TULP4: variants seen among roughly 807,000 people sequenced by gnomAD.
The protein encoded by TULP4 is TUB like protein 4.
Under a neutral mutation model 129.0 loss-of-function variants are expected in TULP4, and 16 were observed. That is an observed-to-expected ratio of 0.12 (90% CI 0.08 to 0.19). The LOEUF is 0.19. Among genes scored for constraint, TULP4 ranks in the 10% least tolerant of loss-of-function variants. The pLI is 1.00. For synonymous variants in TULP4, 998 were observed against 854.0 expected (o/e 1.17, Z -2.94); for missense variants, 1,842 against 2,059.1 (o/e 0.89, Z 2.04).
chr6:158,424,772 T>C (rs1260566482), intron 2 of TULP4, among the ~76,000 whole-genome samples: 1 of 151,974 alleles, frequency 6.6e-6, no homozygotes, highest in Non-Finnish European at 1.5e-5. Flanking sequence ...TGGAAAGAGA[T>C]TTGAACAGAT....
intron 8 of TULP4, among the ~76,000 whole-genome samples, chr6:158,487,224 A>G (rs962492872): frequency 6.6e-6 from 1 of 152,084 alleles, no homozygotes; most frequent in Non-Finnish European, 1.5e-5. Flanking sequence ...GCACCACTGC[A>G]CTCCAGCCTG....
intron 1 of TULP4, among the ~76,000 whole-genome samples, chr6:158,253,186 T>C (rs540694659): frequency 3.6e-4 from 55 of 152,288 alleles, no homozygotes; most frequent in Non-Finnish European, 6.3e-4. Flanking sequence ...AGTGGAAAAT[T>C]AGGATATGTT....
At chr6:158,302,155 C>T (rs568223201) in intron 1 of TULP4, among the ~76,000 whole-genome samples, 83 of 152,204 alleles carry the variant, frequency 5.5e-4, no homozygotes, top group African/African-American at 1.9e-3. Flanking sequence ...GGAAATTGAG[C>T]TCAAAGTAGT....
intron 2 of TULP4, among the ~76,000 whole-genome samples, chr6:158,428,583 T>C (rs1371885214): frequency 6.6e-6 from 1 of 152,126 alleles, no homozygotes; most frequent in Non-Finnish European, 1.5e-5. Context: ...TTTGATAAAC[T>C]TAACACTCAA....
chr6:158,435,702 C>A (rs974629172), intron 3 of TULP4, among the ~76,000 whole-genome samples: 2 of 152,140 alleles, frequency 1.3e-5, no homozygotes, highest in Admixed American at 6.6e-5. Context: ...CACTGCGACA[C>A]CATCACCGTC....
intron 8 of TULP4, among the ~76,000 whole-genome samples, chr6:158,485,488 G>A (rs983302701): frequency 6.6e-6 from 1 of 152,204 alleles, no homozygotes; most frequent in Non-Finnish European, 1.5e-5. Flanking sequence ...GAAGGAGAGA[G>A]GCTGTTGGAC....
Position 158,325,594 on chromosome 6 carries a change from C to T in TULP4, c.252+11326C>T, listed in dbSNP as rs368833509. ...GTCTCAATCTCCTGACCTCGTGATCCGCCCGCCTCGGCCTCCCAAAGTACT... is the reference window on the plus strand; with the variant it reads ...GTCTCAATCTCCTGACCTCGTGATCTGCCCGCCTCGGCCTCCCAAAGTACT... On this transcript the variant is annotated intron_variant, in intron 1 of 13. Transcript: ENST00000367097. Among the ~76,000 whole-genome samples, 17 of 152,180 alleles carry T rather than the reference C, an allele frequency of 1.1e-4. 1 individual carries two copies. The highest frequency in any genetic ancestry group is 2.2e-4 in the African/African-American group (9 of 41,524).
chr6:158,412,046 T>C (rs1372950369), intron 1 of TULP4, among the ~76,000 whole-genome samples: 1 of 152,164 alleles, frequency 6.6e-6, no homozygotes, highest in Non-Finnish European at 1.5e-5. Context: ...TGGTTAGTAA[T>C]AGCTCTTATT....
intron 2 of TULP4, chr6:158,428,527 G>C (rs1368347194): frequency 6.6e-6 from 1 of 152,176 alleles, no homozygotes; most frequent in African/African-American, 2.4e-5. Flanking sequence ...TACCACAATA[G>C]ATTAATAGAG....
At chr6:158,256,028 A>T (rs1297896818) in intron 1 of TULP4, among the ~76,000 whole-genome samples, 1 of 152,164 alleles carries the variant, frequency 6.6e-6, no homozygotes, top group Non-Finnish European at 1.5e-5. Context: ...AGGTTTAAGT[A>T]CTGGGCTATG....
At position 158,328,808 on chromosome 6, in the gene TULP4, A is replaced by G. The variant is rs951358404; in HGVS notation, c.252+14540A>G. On this transcript the variant is annotated intron_variant, in intron 1 of 13. Coordinates refer to ENST00000367097, the MANE Select transcript of TULP4 (RefSeq NM_020245.5). Reference sequence around the variant, plus strand: ...AGTTCATTCATCTTCCCGCCTCGCAAGCCAGCAGAGCCTGACTTGGGGCCT... The same window carrying G: ...AGTTCATTCATCTTCCCGCCTCGCAGGCCAGCAGAGCCTGACTTGGGGCCT... Among the ~76,000 whole-genome samples the G allele has an allele frequency of 2.6e-5, 4 of 152,312 alleles. No individual in the cohort carries two copies. The South Asian group carries it at 8.3e-4, about 32-fold the overall frequency.
upstream of TULP4, among the ~76,000 whole-genome samples, chr6:158,311,358 G>T (rs1318310874): frequency 6.6e-6 from 1 of 152,184 alleles, no homozygotes; most frequent in Non-Finnish European, 1.5e-5. Context: ...GGAAGGACTG[G>T]CGGGGCGGGA....
intron 1 of TULP4, among the ~76,000 whole-genome samples, chr6:158,366,566 T>C (rs1014702600): frequency 6.6e-6 from 1 of 152,236 alleles, no homozygotes; most frequent in Non-Finnish European, 1.5e-5. Context: ...CATTTGCCTC[T>C]GCTCCCATCC....
intron 1 of TULP4, among the ~76,000 whole-genome samples, chr6:158,390,535 C>T (rs1777562157): frequency 6.6e-6 from 1 of 152,208 alleles, no homozygotes; most frequent in Admixed American, 6.5e-5. Flanking sequence ...GAAGTATTTT[C>T]AGAGGCCATT....
At chr6:158,363,711 C>A (rs1313382158) in intron 1 of TULP4, among the ~76,000 whole-genome samples, 1 of 152,162 alleles carries the variant, frequency 6.6e-6, no homozygotes, top group Admixed American at 6.5e-5. Context: ...GTCCTGAACT[C>A]CTGACCTCAG....
intron 7 of TULP4, 82 bp from the exon 8 acceptor site, chr6:158,480,973 C>A: frequency 1.5e-6 from 2 of 1,301,246 alleles, no homozygotes; most frequent in Non-Finnish European, 2.1e-6. Flanking sequence ...TTTTAGTTGA[C>A]CTGCCCCCGT....
At chr6:158,236,790 C>CTTT (rs1562489169) in intron 1 of TULP4, among the ~76,000 whole-genome samples, 6 of 33,106 alleles carry the variant, frequency 1.8e-4, no homozygotes, top group Non-Finnish European at 3.1e-4. Flanking sequence ...ATGCCCAATT[C>CTTT]TTTTCTTTTT....
chr6:158,486,501 C>T (rs889895895), intron 8 of TULP4, among the ~76,000 whole-genome samples: 1 of 151,912 alleles, frequency 6.6e-6, no homozygotes, highest in Non-Finnish European at 1.5e-5. Flanking sequence ...TGCAGTGAGC[C>T]GAGATCGCGC....
At chr6:158,233,590 T>A (rs997522906) in intron 1 of TULP4, among the ~76,000 whole-genome samples, 2 of 152,202 alleles carry the variant, frequency 1.3e-5, no homozygotes, top group Non-Finnish European at 2.9e-5. Context: ...GAGGTTGTGA[T>A]GGATGAGAAG....
Sources: gnomAD v4.1 joint callset for allele counts (sites outside exome capture counted in the v4.1 genomes callset) on GRCh38, gnomAD v4.1.1 for gene constraint, MANE v1.5 for transcripts, NCBI Gene and HGNC (gene_info 2026-07-23, HGNC 2026-07-21) for gene names.